ITGA2: variants seen among roughly 807,000 people sequenced by gnomAD.
ITGA2 encodes integrin alpha-2.
In ITGA2, 101 loss-of-function variants were observed where a neutral mutation model predicts 146.3. The observed-to-expected ratio is 0.69, with a 90% CI of 0.59 to 0.81. ITGA2 has a LOEUF of 0.81. Among genes scored for constraint, ITGA2 ranks in the 40% least tolerant of loss-of-function variants. The probability of loss-of-function intolerance (pLI) is 0.00; values close to 1 mark genes in which losing one functional copy is unlikely to be tolerated. For missense variants in ITGA2, 1,281 were observed against 1,402.7 expected (o/e 0.91, Z 1.39); for synonymous variants, 477 against 487.1 (o/e 0.98, Z 0.27).
intron 1 of ITGA2, among the ~76,000 whole-genome samples, chr5:53,020,848 ATTT>A (rs532121575): frequency 7.5e-6 from 1 of 133,406 alleles, no homozygotes; most frequent in African/African-American, 2.7e-5. Context: ...TGTCCGGCTA[ATTT>A]TTTTTTTTTT....
intron 1 of ITGA2, among the ~76,000 whole-genome samples, chr5:53,004,322 T>C (rs1030679256): frequency 2.0e-5 from 3 of 152,166 alleles, no homozygotes; most frequent in African/African-American, 4.8e-5. Flanking sequence ...AGATAAGCCA[T>C]AGGCAAACAA....
intron 2 of ITGA2, among the ~76,000 whole-genome samples, chr5:53,027,641 C>T (rs1262006954): frequency 7.2e-5 from 11 of 152,238 alleles, no homozygotes. Context: ...CTGGTGGACA[C>T]AGGTCCTGCC....
chr5:53,048,225 A>T, intron 4 of ITGA2, 138 bp from the exon 5 acceptor site: 1 of 736,422 alleles, frequency 1.4e-6, no homozygotes, highest in Non-Finnish European at 2.4e-6. Flanking sequence ...CGAAGGCATT[A>T]CTGACTCATT....
intron 18 of ITGA2, among the ~76,000 whole-genome samples, chr5:53,072,380 G>T (rs1366420237): frequency 6.6e-6 from 1 of 151,376 alleles, no homozygotes. Context: ...GAAGCTCTGC[G>T]TATAGCTGTC....
rs141271318 is a variant in ITGA2, at chr5:53,067,627, A to G, written c.2083+370A>G. The stretch of plus-strand genomic sequence containing the variant: ...TATCATGTTGGCTATGCCATGATCT[A>G]TATAGGACAGGTTCAGTAAAAGTAT... On this transcript the variant is annotated intron_variant, in intron 16 of 29. Coordinates refer to ENST00000296585, the MANE Select transcript of ITGA2 (RefSeq NM_002203.4). Among the ~76,000 whole-genome samples, 48 of 152,036 alleles carry G rather than the reference A, an allele frequency of 3.2e-4. No individual in the cohort carries two copies. The East Asian group carries it at 6.6e-3, about 21-fold the overall frequency.
At chr5:53,019,283 A>G (rs1026516376) in intron 1 of ITGA2, among the ~76,000 whole-genome samples, 6 of 152,310 alleles carry the variant, frequency 3.9e-5, no homozygotes, top group African/African-American at 1.4e-4. Context: ...TATATAAATT[A>G]GTTACCCACG....
intron 1 of ITGA2, among the ~76,000 whole-genome samples, chr5:53,003,353 C>T (rs1442015041): frequency 6.6e-6 from 1 of 152,144 alleles, no homozygotes; most frequent in African/African-American, 2.4e-5. Context: ...TGACATGTAA[C>T]CAGTCACCCC....
Position 53,054,583 on chromosome 5 carries a change from G to A in ITGA2, c.780-955G>A, listed in dbSNP as rs572612898. Among the ~76,000 whole-genome samples, 76 of 152,074 alleles carry A rather than the reference G, an allele frequency of 5.0e-4. 1 individual carries two copies. The South Asian group carries it at 8.9e-3, about 18-fold the overall frequency. The stretch of plus-strand genomic sequence containing the variant: ...CCTAAGCATCCAATAATGGGGAACC[G>A]GTTAAATAAACCAGTCTTCCTTCAT... On this transcript the variant is annotated intron_variant, in intron 7 of 29. Coordinates refer to ENST00000296585, the MANE Select transcript of ITGA2 (RefSeq NM_002203.4).
intron 1 of ITGA2, among the ~76,000 whole-genome samples, chr5:53,012,779 A>G (rs531391215): frequency 1.3e-5 from 2 of 152,182 alleles, no homozygotes; most frequent in Non-Finnish European, 2.9e-5. Flanking sequence ...TTTACTTTTT[A>G]TTAATAGCCT....
At chr5:53,038,477 A>G (rs886769356) in intron 2 of ITGA2, among the ~76,000 whole-genome samples, 5 of 152,148 alleles carry the variant, frequency 3.3e-5, no homozygotes, top group African/African-American at 1.2e-4. Flanking sequence ...CTCCCAGGAC[A>G]GCTGTGCTTC....
intron 2 of ITGA2, among the ~76,000 whole-genome samples, chr5:53,041,522 A>G (rs1433236917): frequency 2.0e-5 from 3 of 152,174 alleles, no homozygotes; most frequent in Non-Finnish European, 4.4e-5. Flanking sequence ...GCACTCAGCA[A>G]AGGCTAGTTG....
At chr5:53,089,765 CT>C (rs1264105246) in intron 28 of ITGA2, among the ~76,000 whole-genome samples, 180 bp from the exon 29 acceptor site, 9 of 152,336 alleles carry the variant, frequency 5.9e-5, no homozygotes, top group Admixed American at 5.9e-4. Context: ...GCTGGTTGGA[CT>C]TTGCAGGAAG....
At chr5:53,083,290 T>A (rs775408639) in intron 26 of ITGA2, 50 bp from the exon 27 acceptor site, 1 of 1,171,264 alleles carries the variant, frequency 8.5e-7, no homozygotes, top group Non-Finnish European at 1.3e-6. Context: ...ATTTATTTTT[T>A]AACTCTTACT....
chr5:53,064,164 A>G (rs1745033649), intron 13 of ITGA2, among the ~76,000 whole-genome samples: 2 of 151,994 alleles, frequency 1.3e-5, no homozygotes, highest in Non-Finnish European at 1.5e-5. Flanking sequence ...CACTATAATT[A>G]TGTCACTATT....
chr5:53,043,432 A>G (rs1743904009), intron 3 of ITGA2, among the ~76,000 whole-genome samples: 1 of 152,180 alleles, frequency 6.6e-6, no homozygotes, highest in Non-Finnish European at 1.5e-5. Flanking sequence ...AAGAATAACA[A>G]CATGCCCATA....
chr5:53,029,105 C>G (rs1743097755), intron 2 of ITGA2, among the ~76,000 whole-genome samples: 2 of 152,146 alleles, frequency 1.3e-5, no homozygotes, highest in Non-Finnish European at 2.9e-5. Context: ...AACCCCATCT[C>G]TACTAAAAAC....
intron 1 of ITGA2, among the ~76,000 whole-genome samples, chr5:53,000,174 T>C (rs1316664951): frequency 1.3e-5 from 2 of 152,232 alleles, no homozygotes; most frequent in Admixed American, 1.3e-4. Context: ...TATAGTTCTT[T>C]TGTTTTCACC....
intron 27 of ITGA2, among the ~76,000 whole-genome samples, chr5:53,084,864 C>T (rs1187541633): frequency 3.3e-5 from 5 of 152,208 alleles, no homozygotes; most frequent in African/African-American, 1.2e-4. Flanking sequence ...GAGTTTAAGA[C>T]TACATCACTT....
chr5:53,089,482 C>T (rs3212699), intron 28 of ITGA2: 6,334 of 156,812 alleles, frequency 0.04, 171 homozygotes, highest in Middle Eastern at 0.078. Flanking sequence ...ACAATATCAA[C>T]TTGGAATGAG....
Sources: gnomAD v4.1 joint callset for allele counts (sites outside exome capture counted in the v4.1 genomes callset) on GRCh38, gnomAD v4.1.1 for gene constraint, MANE v1.5 for transcripts, NCBI Gene and HGNC (gene_info 2026-07-23, HGNC 2026-07-21) for gene names.